ENOX1: variants seen among roughly 807,000 people sequenced by gnomAD.
ENOX1 encodes candidate growth-related and time keeping constitutive hydroquinone (NADH) oxidase.
Under a neutral mutation model 82.5 loss-of-function variants are expected in ENOX1, and 42 were observed. The ratio of observed to expected loss-of-function variants is 0.51; its 90% CI spans 0.40 to 0.66. The LOEUF (loss-of-function observed/expected upper bound fraction) is 0.66, where lower values mean the gene tolerates loss of function less well. ENOX1 is among the 30% of genes least tolerant of loss of function. The pLI, the probability that ENOX1 is intolerant of heterozygous loss-of-function variation, is 0.00. For missense variants in ENOX1, 608 were observed against 811.6 expected (o/e 0.75, Z 3.05); for synonymous variants, 271 against 282.2 (o/e 0.96, Z 0.40).
chr13:43,724,738 C>T (rs2088818376), intron 1 of ENOX1, among the ~76,000 whole-genome samples: 1 of 152,178 alleles, frequency 6.6e-6, no homozygotes, highest in Non-Finnish European at 1.5e-5. Flanking sequence ...CCATAGTTAT[C>T]TAATTCACCC....
chr13:43,708,856 G>C (rs137915128), intron 1 of ENOX1, among the ~76,000 whole-genome samples: 23 of 152,178 alleles, frequency 1.5e-4, no homozygotes, highest in Non-Finnish European at 2.6e-4. Context: ...AACCCACTAA[G>C]GGTTAGGCAA....
At chr13:43,464,171 G>A (rs557895319) in intron 3 of ENOX1, among the ~76,000 whole-genome samples, 94 of 152,142 alleles carry the variant, frequency 6.2e-4, no homozygotes, top group Non-Finnish European at 1.2e-3. Flanking sequence ...CTTGAGAATG[G>A]TCTTCCAAGC....
intron 11 of ENOX1, among the ~76,000 whole-genome samples, chr13:43,303,295 G>C (rs7334275): frequency 6.6e-6 from 1 of 152,202 alleles, no homozygotes; most frequent in Non-Finnish European, 1.5e-5. Flanking sequence ...TGCTCCACTA[G>C]GAAAGGGAGC....
intron 3 of ENOX1, among the ~76,000 whole-genome samples, chr13:43,441,319 G>A (rs981944075): frequency 6.6e-6 from 1 of 152,096 alleles, no homozygotes; most frequent in African/African-American, 2.4e-5. Context: ...TTAACTGATT[G>A]AAATTACATT....
Position 43,341,048 on chromosome 13 carries a change from A to G in ENOX1, c.1036+3490T>C, listed in dbSNP as rs529855856. ...CACAGTGGCTTACACCTGTAATCCC[A>G]GCACTTTGGGAGGCCGAGGCGGGCA... On this transcript the variant is annotated intron_variant, in intron 9 of 16. Coordinates refer to ENST00000690772, the MANE Select transcript of ENOX1 (RefSeq NM_001347969.2). Among the ~76,000 whole-genome samples the G allele has an allele frequency of 2.0e-5, 3 of 152,334 alleles. No individual in the cohort carries two copies. In the South Asian group the frequency reaches 6.2e-4, roughly 32 times the overall value.
rs2057997268 is a variant in ENOX1 at position 43,470,368 on chromosome 13, A to ATATATATG, written c.-75+13640_-75+13641insCATATATA. ...TATATATATATGTATATATATACGT[A>ATATATATG]TATATATACATATATATACGTATAT... On this transcript the variant is annotated intron_variant, in intron 3 of 16. Coordinates refer to ENST00000690772, the MANE Select transcript of ENOX1 (RefSeq NM_001347969.2). 3.6e-4 allele frequency among the ~76,000 whole-genome samples: 13 copies of ATATATATG among 35,800 alleles called. 1 individual carries two copies. Among genetic ancestry groups the ATATATATG allele is most frequent in the Admixed American group, 1.2e-3 (5 of 4,190 alleles). 23.5% of individuals were successfully genotyped at this position (35,800 alleles called of 152,430 possible).
chr13:43,515,344 C>T (rs888144101), intron 2 of ENOX1, among the ~76,000 whole-genome samples: 1 of 152,060 alleles, frequency 6.6e-6, no homozygotes, highest in Non-Finnish European at 1.5e-5. Flanking sequence ...TAATGAGGTC[C>T]CTAGGTAATT....
At chr13:43,555,481 G>C (rs967827904) in intron 2 of ENOX1, among the ~76,000 whole-genome samples, 3 of 152,210 alleles carry the variant, frequency 2.0e-5, no homozygotes, top group African/African-American at 7.2e-5. Flanking sequence ...AAAGGCCAAA[G>C]CATTTACGGT....
chr13:43,412,094 A>G, intron 4 of ENOX1, 41 bp from the exon 5 acceptor site: 1 of 1,595,218 alleles, frequency 6.3e-7, no homozygotes, highest in Non-Finnish European at 8.6e-7. Flanking sequence ...TCCATAGGCA[A>G]GGGTGTTTGT....
chr13:43,349,135 AT>A (rs2049595302), intron 8 of ENOX1, among the ~76,000 whole-genome samples: 1 of 152,210 alleles, frequency 6.6e-6, no homozygotes, highest in South Asian at 2.1e-4. Flanking sequence ...GATAATAAAC[AT>A]TTAAATTTCA....
chr13:43,771,243 C>T (rs1247208178), intron 1 of ENOX1, among the ~76,000 whole-genome samples: 1 of 152,134 alleles, frequency 6.6e-6, no homozygotes, highest in Non-Finnish European at 1.5e-5. Flanking sequence ...AGAGCAGGAA[C>T]CTTTGAGGCC....
At position 43,731,722 on chromosome 13, in the gene ENOX1, ACTGT is replaced by A. The variant is rs1242865643; in HGVS notation, c.-285+54926_-285+54929del. On this transcript the variant is annotated intron_variant, in intron 1 of 16. Transcript: ENST00000690772. ...CTAGCTTAGTCTCCCTCACGAAATC[ACTGT>A]CTAACTGGCTTAAAGCAAAATAAAA... 3.9e-5 allele frequency among the ~76,000 whole-genome samples: 6 copies of A among 152,336 alleles called. No individual in the cohort carries two copies. The South Asian group carries it at 8.3e-4, about 21-fold the overall frequency.
chr13:43,239,804 C>T (rs1283114428), intron 14 of ENOX1, among the ~76,000 whole-genome samples: 2 of 152,186 alleles, frequency 1.3e-5, no homozygotes, highest in African/African-American at 2.4e-5. Flanking sequence ...TAGACAGCCA[C>T]ATTATATGTT....
intron 12 of ENOX1, among the ~76,000 whole-genome samples, chr13:43,282,098 T>C (rs1254529867): frequency 6.6e-6 from 1 of 152,172 alleles, no homozygotes; most frequent in African/African-American, 2.4e-5. Context: ...TTGGTTGTTT[T>C]AGTTTAAAAT....
At chr13:43,686,309 T>C (rs948826149) in intron 1 of ENOX1, among the ~76,000 whole-genome samples, 1 of 152,128 alleles carries the variant, frequency 6.6e-6, no homozygotes, top group African/African-American at 2.4e-5. Context: ...TAATCAGAGA[T>C]GGGATGTGAA....
At chr13:43,521,841 C>T (rs967084310) in intron 2 of ENOX1, among the ~76,000 whole-genome samples, 1 of 152,186 alleles carries the variant, frequency 6.6e-6, no homozygotes, top group East Asian at 1.9e-4. Flanking sequence ...TCAGTACATG[C>T]TTTTTTGAGT....
chr13:43,549,742 T>C (rs1199375530), intron 2 of ENOX1, among the ~76,000 whole-genome samples: 1 of 152,180 alleles, frequency 6.6e-6, no homozygotes, highest in East Asian at 1.9e-4. Flanking sequence ...TCCTCCTCAG[T>C]GTCCAATGAA....
chr13:43,341,249 T>C lies in ENOX1; in HGVS notation c.1036+3289A>G, dbSNP rs1256259431. Among the ~76,000 whole-genome samples, 9 of 151,376 alleles carry C rather than the reference T, an allele frequency of 5.9e-5. No homozygotes were observed. The East Asian group carries it at 1.6e-3, about 26-fold the overall frequency. Reference sequence around the variant, plus strand: ...AGGCAGAGGTTGCAGTGAGCCGAGATTGCACCACTGTACTCCAGCCTGGGT... The same window carrying C: ...AGGCAGAGGTTGCAGTGAGCCGAGACTGCACCACTGTACTCCAGCCTGGGT... On this transcript the variant is annotated intron_variant, in intron 9 of 16. Transcript: ENST00000690772.
intron 1 of ENOX1, among the ~76,000 whole-genome samples, chr13:43,769,886 G>A (rs1038846050): frequency 6.6e-6 from 1 of 152,132 alleles, no homozygotes; most frequent in Non-Finnish European, 1.5e-5. Context: ...CTCACAACAG[G>A]CAGTTGAGGG....
Sources: allele counts gnomAD v4.1 joint callset (sites outside exome capture counted in the v4.1 genomes callset), GRCh38; gene constraint gnomAD v4.1.1; transcripts MANE v1.5; gene names NCBI Gene and HGNC (gene_info 2026-07-23, HGNC 2026-07-21).